Variants in MRAP observed in about 807,000 individuals in gnomAD.
MRAP encodes the protein melanocortin 2 receptor accessory protein, also known as melanocortin-2 receptor accessory protein.
A neutral mutation model predicts 8.7 loss-of-function variants in MRAP; 8 were observed. The ratio of observed to expected loss-of-function variants is 0.92; its 90% CI spans 0.54 to 1.66. The LOEUF (loss-of-function observed/expected upper bound fraction) is 1.66, where lower values mean the gene tolerates loss of function less well. MRAP is among the 40% of genes most tolerant of loss of function. MRAP has a pLI of 0.00. For synonymous variants in MRAP, 95 were observed against 95.5 expected (o/e 1.00, Z 0.03); for missense variants, 237 against 217.1 (o/e 1.09, Z -0.58).
At chr21:32,304,547 G>A (rs1035292695) in intron 1 of MRAP, among the ~76,000 whole-genome samples, 3 of 151,902 alleles carry the variant, frequency 2.0e-5, no homozygotes, top group Admixed American at 1.3e-4. Context: ...CCCGGCAGGC[G>A]GAGGTTGCAG....
At chr21:32,300,779 CTA>C (rs1478031919) in intron 1 of MRAP, among the ~76,000 whole-genome samples, 1 of 143,674 alleles carries the variant, frequency 7.0e-6, no homozygotes, top group East Asian at 2.1e-4. Flanking sequence ...GTCATGCCTC[CTA>C]TGTCGGATGT....
intron 2 of MRAP, chr21:32,308,679 C>T (rs2032477337): frequency 6.5e-6 from 1 of 152,736 alleles, no homozygotes. Context: ...TGTCCAGTGG[C>T]TGGCCCATGC....
rs777725817 is a variant in MRAP, at chr21:32,311,954, C to T, written c.477C>T (p.Ser159=). The change falls in exon 3 of 3, where the codon AGC becomes AGT. Residue 159 remains serine (S), a synonymous_variant. Transcript: ENST00000303645. Reference sequence around the variant, plus strand: ...GTCCCCTCGTCAGGAGCAAGCCCAGCGAGCCTCCCCCTGGAGACAGGACCT... The same window carrying T: ...GTCCCCTCGTCAGGAGCAAGCCCAGTGAGCCTCCCCCTGGAGACAGGACCT... The part of the protein sequence containing the change: ...NGGPLVRSKP[S]EPPPGDRTSQ... 1.2e-5 allele frequency: 19 copies of T among 1,613,548 alleles called. No individual in the cohort carries two copies. Among genetic ancestry groups the T allele is most frequent in the African/African-American group, 5.3e-5 (4 of 75,060 alleles).
At chr21:32,300,615 G>A (rs369759070) in intron 1 of MRAP, among the ~76,000 whole-genome samples, 71 of 143,946 alleles carry the variant, frequency 4.9e-4, no homozygotes, top group South Asian at 1.6e-3. Context: ...GATATGTCAC[G>A]CGTCGTATGT....
intron 1 of MRAP, among the ~76,000 whole-genome samples, chr21:32,301,253 C>T (rs528351039): frequency 2.0e-5 from 3 of 152,274 alleles, no homozygotes; most frequent in Non-Finnish European, 2.9e-5. Flanking sequence ...TGAGCCACCA[C>T]GCCTGGCCCA....
chr21:32,308,577 T>C (rs1305713986), intron 2 of MRAP: 1 of 152,642 alleles, frequency 6.6e-6, no homozygotes, highest in African/African-American at 2.4e-5. Context: ...AATGTTCCCT[T>C]CTAGGCTAAT....
chr21:32,311,554 A>G, intron 2 of MRAP, 130 bp from the exon 3 acceptor site: 3 of 1,352,694 alleles, frequency 2.2e-6, no homozygotes, highest in Non-Finnish European at 3.0e-6. Flanking sequence ...CCTTCTCAGG[A>G]ATTTGCCTGT....
chr21:32,312,904 C>T (rs1425910780), downstream of MRAP: 2 of 152,170 alleles, frequency 1.3e-5, no homozygotes, highest in Admixed American at 6.5e-5. Context: ...AGGTGAAGAC[C>T]ATGTTCGATC....
intron 2 of MRAP, among the ~76,000 whole-genome samples, chr21:32,308,169 T>C (rs1651267048): frequency 6.6e-6 from 1 of 152,130 alleles, no homozygotes; most frequent in Admixed American, 6.5e-5. Flanking sequence ...GATCAGGCCT[T>C]TGAGACCAGA....
chr21:32,308,799 T>A (rs1470049271), intron 2 of MRAP: 1 of 152,904 alleles, frequency 6.5e-6, no homozygotes, highest in Non-Finnish European at 1.5e-5. Context: ...GGGGCTGCAC[T>A]GATTGGTCCA....
intron 1 of MRAP, among the ~76,000 whole-genome samples, chr21:32,301,113 G>A (rs1308260279): frequency 1.3e-5 from 2 of 148,250 alleles, no homozygotes; most frequent in Non-Finnish European, 3.0e-5. Flanking sequence ...TATATCATAT[G>A]ATATATGATG....
intron 1 of MRAP, among the ~76,000 whole-genome samples, chr21:32,300,135 C>G (rs1279750075): frequency 1.3e-5 from 2 of 152,184 alleles, no homozygotes; most frequent in African/African-American, 4.8e-5. Flanking sequence ...TGCAATTGCT[C>G]ACGCCTGTAA....
chr21:32,306,894 C>G, intron 2 of MRAP, 155 bp downstream of exon 2: 1 of 713,228 alleles, frequency 1.4e-6, no homozygotes, highest in Non-Finnish European at 2.5e-6. Context: ...AGCTGAGCAT[C>G]TCAAATCCAA....
At chr21:32,299,624 C>T (rs2032212195) in intron 1 of MRAP, among the ~76,000 whole-genome samples, 1 of 152,136 alleles carries the variant, frequency 6.6e-6, no homozygotes, top group Non-Finnish European at 1.5e-5. Context: ...AGCCACCGTG[C>T]CTGGCGAGAA....
chr21:32,307,301 G>A (rs551073218), intron 2 of MRAP, among the ~76,000 whole-genome samples: 96 of 152,272 alleles, frequency 6.3e-4, no homozygotes, highest in Non-Finnish European at 1.1e-3. Flanking sequence ...TAAGCTGGGC[G>A]TGGTGGCTCA....
chr21:32,297,123 C>A (rs936223295), upstream of MRAP, among the ~76,000 whole-genome samples: 2 of 152,184 alleles, frequency 1.3e-5, no homozygotes, highest in African/African-American at 2.4e-5. Context: ...TAGCACAGAA[C>A]TCATAAAACT....
At chr21:32,298,398 C>T (rs1287504256), upstream of MRAP, among the ~76,000 whole-genome samples, 2 of 152,108 alleles carry the variant, frequency 1.3e-5, no homozygotes, top group South Asian at 2.1e-4. Context: ...AATTAACTGG[C>T]TATGAGTACA....
chr21:32,306,837 G>T (rs931759900), intron 2 of MRAP, 98 bp downstream of exon 2: 5 of 964,398 alleles, frequency 5.2e-6, no homozygotes, highest in Non-Finnish European at 8.3e-6. Context: ...CTGGAGACCA[G>T]AAGTGTTTCA....
rs1399723247 is a variant in MRAP at position 32,306,133 on chromosome 21, C to T, written c.107-507C>T. Among the ~76,000 whole-genome samples the T allele has an allele frequency of 4.1e-4, 63 of 152,168 alleles. 1 individual carries two copies. The highest frequency in any genetic ancestry group is 4.0e-3 in the Admixed American group (61 of 15,282). ...GCTAACTCCCGTAGAGCAGAAAGGG[C>T]CTCCCCACCGGAGCGCTGTAGCCCA... On this transcript the variant is annotated intron_variant, in intron 1 of 2. Transcript: ENST00000303645.
Sources: gnomAD v4.1 joint callset for allele counts (sites outside exome capture counted in the v4.1 genomes callset) on GRCh38, gnomAD v4.1.1 for gene constraint, MANE v1.5 for transcripts, NCBI Gene and HGNC (gene_info 2026-07-23, HGNC 2026-07-21) for gene names.